Variants in USP4 observed in about 807,000 individuals in gnomAD.
USP4 encodes the protein ubiquitin carboxyl-terminal hydrolase 4.
Under a neutral mutation model 118.2 loss-of-function variants are expected in USP4, and 72 were observed. The ratio of observed to expected loss-of-function variants is 0.61; its 90% CI spans 0.50 to 0.74. The LOEUF is 0.74. Ranked by LOEUF, USP4 falls within the 30% of genes least tolerant of loss-of-function variation. The pLI, the probability that USP4 is intolerant of heterozygous loss-of-function variation, is 0.00. For synonymous variants in USP4, 415 were observed against 440.4 expected (o/e 0.94, Z 0.72); for missense variants, 1,037 against 1,185.7 (o/e 0.87, Z 1.84).
chr3:49,289,798 CAAAA>C (rs55775206), intron 15 of USP4, among the ~76,000 whole-genome samples: 1 of 144,480 alleles, frequency 6.9e-6, no homozygotes, highest in South Asian at 2.2e-4. Flanking sequence ...GACTCAGTCT[CAAAA>C]AAAAAAGAGA....
rs780198635 is a variant in USP4, at chr3:49,308,006, G to GA, written c.955-2119dup. ...CATCAGAGAGAGTTCCTGTCTCTAAGAAAAAAAAAAATGAATTTTGCTCTG... is the reference window on the plus strand; with the variant it reads ...CATCAGAGAGAGTTCCTGTCTCTAAGAAAAAAAAAAAATGAATTTTGCTCTG... On this transcript the variant is annotated intron_variant, in intron 8 of 21. Transcript: ENST00000265560. Among the ~76,000 whole-genome samples, 312 of 146,278 alleles carry GA rather than the reference G, an allele frequency of 2.1e-3. 1 individual carries two copies. The highest frequency in any genetic ancestry group is 3.5e-3 in the Non-Finnish European group (230 of 66,090).
At chr3:49,319,632 G>A (rs2047478782) in intron 6 of USP4, among the ~76,000 whole-genome samples, 1 of 110,412 alleles carries the variant, frequency 9.1e-6, no homozygotes, top group Non-Finnish European at 1.9e-5. Context: ...TTTGTTTTCT[G>A]AGATGGAGTC....
chr3:49,293,355 A>G (rs555588873), intron 14 of USP4, among the ~76,000 whole-genome samples: 1 of 152,162 alleles, frequency 6.6e-6, no homozygotes, highest in East Asian at 1.9e-4. Flanking sequence ...TCTACTAAAA[A>G]TACAAAAATT....
At chr3:49,297,174 G>A (rs1180230743) in intron 13 of USP4, among the ~76,000 whole-genome samples, 1 of 152,154 alleles carries the variant, frequency 6.6e-6, no homozygotes, top group Non-Finnish European at 1.5e-5. Flanking sequence ...GGGACAGTAC[G>A]GCTGTGCTCC....
chr3:49,335,335 A>G (rs1437337716), intron 2 of USP4, 134 bp downstream of exon 2: 3 of 1,259,042 alleles, frequency 2.4e-6, no homozygotes, highest in Non-Finnish European at 3.3e-6. Flanking sequence ...GACTTCTGCT[A>G]TAGATGCAAA....
chr3:49,289,637 G>A (rs186287532), intron 15 of USP4, among the ~76,000 whole-genome samples: 8 of 152,078 alleles, frequency 5.3e-5, no homozygotes, highest in Admixed American at 2.0e-4. Context: ...TTGGGAAGCC[G>A]AGGTGTATGG....
chr3:49,322,133 C>T (rs887688233), intron 6 of USP4, among the ~76,000 whole-genome samples: 1 of 152,226 alleles, frequency 6.6e-6, no homozygotes, highest in African/African-American at 2.4e-5. Context: ...GATTCAGTCG[C>T]AATTCTTCCC....
chr3:49,309,688 G>A (rs1266917954), intron 8 of USP4, among the ~76,000 whole-genome samples: 6 of 141,020 alleles, frequency 4.3e-5, no homozygotes, highest in East Asian at 2.3e-4. Flanking sequence ...ATACAATGGC[G>A]CAATCTCGGC....
At chr3:49,283,236 G>C (rs548330184) in intron 19 of USP4, among the ~76,000 whole-genome samples, 92 of 151,462 alleles carry the variant, frequency 6.1e-4, no homozygotes, top group African/African-American at 1.2e-3. Flanking sequence ...GGATGGTCTC[G>C]ATCTCCAGAC....
At chr3:49,309,941 A>ATCTTTTTTTTTTT (rs2047365756) in intron 8 of USP4, among the ~76,000 whole-genome samples, 1 of 15,402 alleles carries the variant, frequency 6.5e-5, no homozygotes, top group African/African-American at 3.1e-4. Context: ...CTTTTTTTTA[A>ATCTTTTTTTTTTT]TCTTTTTTTT....
At chr3:49,284,657 G>A in intron 17 of USP4, 73 bp from the exon 18 acceptor site, 1 of 1,396,928 alleles carries the variant, frequency 7.2e-7, no homozygotes, top group Non-Finnish European at 1.0e-6. Context: ...GGCCTACAGA[G>A]GCTCTCCCAC....
chr3:49,307,076 A>G (rs1447767791), intron 8 of USP4, among the ~76,000 whole-genome samples: 1 of 152,100 alleles, frequency 6.6e-6, no homozygotes, highest in East Asian at 1.9e-4. Context: ...CCAGCCGGAA[A>G]ATAATTTCAA....
Position 49,284,050 on chromosome 3 carries a change from T to C in USP4, c.2477A>G (p.Lys826Arg). 1 of 1,614,252 alleles carries C rather than the reference T, an allele frequency of 6.2e-7. No individual in the cohort carries two copies. Among genetic ancestry groups the C allele is most frequent in the South Asian group, 1.1e-5 (1 of 91,088 alleles). The change falls in exon 19 of 22, where the codon AAA (lysine) becomes AGA (arginine). Residue 826 changes from lysine (K) to arginine (R), a missense_variant. Lys to Arg is a conservative substitution (Grantham distance 26). Around this residue, in one of 3 missense-constraint regions of USP4, gnomAD observed 522 missense variants for 592.6 expected, o/e 0.88. Coordinates refer to ENST00000265560, the MANE Select transcript of USP4 (RefSeq NM_003363.4). ...CCAGTATCTGTTGTAGGAGAAACGT[T>C]TGAGGTGGACCACCAGGATCTTGGG... ...SLPKILVVHL[K>R]RFSYNRYWRD...
At chr3:49,321,542 C>T (rs115061664) in intron 6 of USP4, among the ~76,000 whole-genome samples, 3,094 of 151,506 alleles carry the variant, frequency 0.02, 58 homozygotes, top group Middle Eastern at 0.058. Flanking sequence ...TGCAGTGGCA[C>T]GATCTAGGCT....
Position 49,324,705 on chromosome 3 carries a change from G to T in USP4, c.692C>A (p.Ser231Ter). Residue 231 changes from serine (S) to a stop codon, truncating the protein, a stop_gained, in exon 6 of 22, where the codon TCA (serine) becomes TAA (stop). Coordinates refer to ENST00000265560, the MANE Select transcript of USP4 (RefSeq NM_003363.4). LOFTEE classifies it high-confidence loss of function. ...DGTWPRQTLQ[S>*]KSSTAPSRNF... ...AAGGGAGAAAAAATTCACTTACTTTGACTGCAAGGTCTGCCTGGGCCATGT... is the reference window on the plus strand; with the variant it reads ...AAGGGAGAAAAAATTCACTTACTTTTACTGCAAGGTCTGCCTGGGCCATGT... 6.2e-7 allele frequency: 1 copy of T among 1,614,032 alleles called. No homozygotes were observed. The highest frequency in any genetic ancestry group is 1.1e-5 in the South Asian group (1 of 91,056).
chr3:49,305,407 G>A (rs756870981), intron 9 of USP4, among the ~76,000 whole-genome samples: 1 of 150,376 alleles, frequency 6.6e-6, no homozygotes, highest in African/African-American at 2.4e-5. Context: ...AAAATGCAAC[G>A]AAAGGAATGC....
At chr3:49,297,555 T>A (rs1024674770) in intron 13 of USP4, among the ~76,000 whole-genome samples, 24 of 151,964 alleles carry the variant, frequency 1.6e-4, no homozygotes, top group Non-Finnish European at 1.9e-4. Flanking sequence ...GGGATTCCTC[T>A]TAAGAAAGGC....
At chr3:49,304,591 A>G (rs1443598257) in intron 9 of USP4, among the ~76,000 whole-genome samples, 1 of 151,960 alleles carries the variant, frequency 6.6e-6, no homozygotes, top group African/African-American at 2.4e-5. Context: ...TAGAAATTAA[A>G]CTGAATTTTC....
intron 11 of USP4, 127 bp from the exon 12 acceptor site, chr3:49,298,762 C>G: frequency 1.3e-6 from 1 of 779,290 alleles, no homozygotes; most frequent in South Asian, 1.5e-5. Context: ...GGTCAGGGTA[C>G]AGATGAGTCA....
Sources: allele counts gnomAD v4.1 joint callset (sites outside exome capture counted in the v4.1 genomes callset), GRCh38; gene constraint gnomAD v4.1.1; regional missense constraint gnomAD v4.1.1; transcripts MANE v1.5; gene names NCBI Gene and HGNC (gene_info 2026-07-23, HGNC 2026-07-21).